DDX10: variants seen among roughly 807,000 people sequenced by gnomAD.
The protein encoded by DDX10 is DEAD-box helicase 10.
Under a neutral mutation model 104.3 loss-of-function variants are expected in DDX10, and 74 were observed. The ratio of observed to expected loss-of-function variants is 0.71; its 90% CI spans 0.59 to 0.86. The LOEUF (loss-of-function observed/expected upper bound fraction) is 0.86, where lower values mean the gene tolerates loss of function less well. Among genes scored for constraint, DDX10 ranks in the 40% least tolerant of loss-of-function variants. The pLI is 0.00. For synonymous variants in DDX10, 351 were observed against 353.4 expected (o/e 0.99, Z 0.08); for missense variants, 952 against 1,040.0 (o/e 0.92, Z 1.16).
intron 16 of DDX10, among the ~76,000 whole-genome samples, chr11:108,911,059 G>A (rs189980409): frequency 2.0e-5 from 3 of 152,134 alleles, no homozygotes; most frequent in Non-Finnish European, 4.4e-5. Flanking sequence ...GAATTGATTC[G>A]CTCTTGATTG....
chr11:108,822,118 T>C (rs939763300), intron 13 of DDX10, among the ~76,000 whole-genome samples: 1 of 152,236 alleles, frequency 6.6e-6, no homozygotes, highest in Non-Finnish European at 1.5e-5. Flanking sequence ...AGTGTTAGCA[T>C]TTACTGAATT....
At chr11:108,775,029 A>G (rs982017018) in intron 13 of DDX10, among the ~76,000 whole-genome samples, 3 of 152,246 alleles carry the variant, frequency 2.0e-5, no homozygotes, top group Admixed American at 6.5e-5. Flanking sequence ...AACACTACCA[A>G]CTAGGTCTAT....
intron 13 of DDX10, among the ~76,000 whole-genome samples, chr11:108,750,264 A>G (rs1325901545): frequency 6.6e-6 from 1 of 151,942 alleles, no homozygotes; most frequent in African/African-American, 2.4e-5. Context: ...GCAGTTAGTG[A>G]TGCTATAGTA....
chr11:108,690,002 G>A (rs924610256), intron 7 of DDX10, among the ~76,000 whole-genome samples: 53 of 151,842 alleles, frequency 3.5e-4, no homozygotes, highest in African/African-American at 1.2e-3. Context: ...GATTGCTTGA[G>A]TCTAGAAGTT....
At chr11:108,728,240 C>T (rs920823315) in intron 13 of DDX10, among the ~76,000 whole-genome samples, 2 of 152,102 alleles carry the variant, frequency 1.3e-5, no homozygotes, top group Middle Eastern at 3.2e-3. Context: ...CTTAGTGTTT[C>T]TCACATCCAG....
At chr11:108,933,601 GA>G (rs1453359039) in intron 17 of DDX10, among the ~76,000 whole-genome samples, 4 of 152,178 alleles carry the variant, frequency 2.6e-5, no homozygotes, top group Admixed American at 6.5e-5. Flanking sequence ...CTCAGAGCCT[GA>G]AGTTATTGGG....
At position 108,940,261 on chromosome 11, in the gene DDX10, G is replaced by A; in HGVS notation, c.2466G>A (p.Lys822=). 6.2e-7 allele frequency: 1 copy of A among 1,613,866 alleles called. No homozygotes were observed. Among genetic ancestry groups the A allele is most frequent in the Non-Finnish European group, 8.5e-7 (1 of 1,179,954 alleles). Reference sequence around the variant, plus strand: ...TTCTCACCAGTGATACCAAGAAGAAGCAGGGGATGAAGAAGAGGAGCAACA... The same window carrying A: ...TTCTCACCAGTGATACCAAGAAGAAACAGGGGATGAAGAAGAGGAGCAACA... ...MENKISDTKK[K]QGMKKRSNSE... is the part of the protein sequence containing the mutation. The change falls in exon 18 of 18, where the codon AAG becomes AAA. Residue 822 remains lysine, a synonymous_variant. Transcript: ENST00000322536.
intron 13 of DDX10, among the ~76,000 whole-genome samples, chr11:108,837,607 CTTTTTT>C (rs142381520): frequency 7.7e-3 from 265 of 34,634 alleles, no homozygotes; most frequent in African/African-American, 0.02. Context: ...TTGGATACAG[CTTTTTT>C]TTTTTTTTTT....
rs1390728904 is a variant in DDX10, at chr11:108,841,218, G to A, written c.2086-97G>A. ...CAGATTAGATTGTAAGGCAGAAAATGGGTATCTGCACCTTTTCAGAATCAT... is the reference window on the plus strand; with the variant it reads ...CAGATTAGATTGTAAGGCAGAAAATAGGTATCTGCACCTTTTCAGAATCAT... On this transcript the variant is annotated intron_variant, in intron 14 of 17. Transcript: ENST00000322536. The A allele has an allele frequency of 4.2e-6, 4 of 950,982 alleles. No homozygotes were observed. In the East Asian group the frequency reaches 9.8e-5, roughly 23 times the overall value. The allele number at this position is 950,982 out of a possible 1,614,324, so 58.9% of individuals were successfully genotyped here.
intron 6 of DDX10, among the ~76,000 whole-genome samples, chr11:108,683,449 TG>T (rs761580173): frequency 6.6e-6 from 1 of 152,234 alleles, no homozygotes; most frequent in Non-Finnish European, 1.5e-5. Context: ...AAAGTGAGGT[TG>T]TTAACAGAGG....
intron 13 of DDX10, among the ~76,000 whole-genome samples, chr11:108,789,700 G>A (rs1861844363): frequency 6.6e-6 from 1 of 152,152 alleles, no homozygotes; most frequent in Admixed American, 6.5e-5. Flanking sequence ...ATAACATGTA[G>A]GATGCTTTTC....
intron 16 of DDX10, among the ~76,000 whole-genome samples, chr11:108,914,217 T>C (rs949986896): frequency 6.6e-6 from 1 of 152,252 alleles, no homozygotes; most frequent in African/African-American, 2.4e-5. Flanking sequence ...TATTCTCTTA[T>C]TAAATTGTAG....
intron 17 of DDX10, among the ~76,000 whole-genome samples, chr11:108,930,685 C>G (rs997061352): frequency 1.3e-5 from 2 of 152,134 alleles, no homozygotes; most frequent in African/African-American, 2.4e-5. Flanking sequence ...GAAATTTAAC[C>G]ATTTCATAAT....
intron 13 of DDX10, among the ~76,000 whole-genome samples, chr11:108,816,079 T>C (rs770553766): frequency 6.6e-6 from 1 of 152,196 alleles, no homozygotes; most frequent in Non-Finnish European, 1.5e-5. Flanking sequence ...CCTCTTCCCT[T>C]AGCTTTTGGC....
chr11:108,916,273 G>T lies in DDX10; in HGVS notation c.2305-1600G>T, dbSNP rs181387221. Among the ~76,000 whole-genome samples, 13 of 152,200 alleles carry T rather than the reference G, an allele frequency of 8.5e-5. No homozygotes were observed. In the East Asian group the frequency reaches 2.5e-3, roughly 29 times the overall value. On this transcript the variant is annotated intron_variant, in intron 16 of 17. Coordinates refer to ENST00000322536, the MANE Select transcript of DDX10 (RefSeq NM_004398.4). The stretch of plus-strand genomic sequence containing the variant: ...TGTAGCTCAGGAAATTAGAATTCTT[G>T]AGTTTATGGTGACATCCAATTTTTG...
chr11:108,678,176 C>T, intron 4 of DDX10, 139 bp from the exon 5 acceptor site: 1 of 816,688 alleles, frequency 1.2e-6, no homozygotes, highest in East Asian at 3.0e-5. Flanking sequence ...TTCAGAAATA[C>T]AAGGGAAAAG....
intron 9 of DDX10, among the ~76,000 whole-genome samples, chr11:108,700,366 G>T (rs554790695): frequency 1.6e-4 from 25 of 152,250 alleles, no homozygotes; most frequent in South Asian, 4.1e-4. Context: ...TCTCAGTTTA[G>T]TAAGTACCAG....
chr11:108,735,196 C>G (rs1440478397), intron 13 of DDX10, among the ~76,000 whole-genome samples: 2 of 152,148 alleles, frequency 1.3e-5, no homozygotes, highest in Non-Finnish European at 2.9e-5. Flanking sequence ...TGCTTTGATG[C>G]GAAGCTTTGT....
intron 6 of DDX10, among the ~76,000 whole-genome samples, chr11:108,686,419 GC>G (rs1297715989): frequency 6.6e-6 from 1 of 152,168 alleles, no homozygotes; most frequent in Non-Finnish European, 1.5e-5. Context: ...TCCCCTGGCA[GC>G]CGCTGATCTT....
Sources: allele counts gnomAD v4.1 joint callset (sites outside exome capture counted in the v4.1 genomes callset), GRCh38; gene constraint gnomAD v4.1.1; transcripts MANE v1.5; gene names NCBI Gene and HGNC (gene_info 2026-07-23, HGNC 2026-07-21).